Variants in AUTS2 observed in about 807,000 individuals in gnomAD.
AUTS2 encodes the protein autism susceptibility gene 2 protein.
Under a neutral mutation model 112.4 loss-of-function variants are expected in AUTS2, and 17 were observed. That is an observed-to-expected ratio of 0.15 (90% CI 0.10 to 0.23). The LOEUF (loss-of-function observed/expected upper bound fraction) is 0.23. Ranked by LOEUF, AUTS2 falls within the 10% of genes least tolerant of loss-of-function variation. The pLI is 1.00. For missense variants in AUTS2, 1,510 were observed against 1,701.6 expected, an observed-to-expected ratio of 0.89 and a Z score of 1.98; for synonymous variants, 751 against 702.7, an observed-to-expected ratio of 1.07 and a Z score of -1.09.
At chr7:70,340,905 A>C (rs968146469) in intron 4 of AUTS2, among the ~76,000 whole-genome samples, 2 of 152,244 alleles carry the variant, frequency 1.3e-5, no homozygotes, top group African/African-American at 2.4e-5. Context: ...AGTTACAGAC[A>C]CATTTCTTTA....
intron 4 of AUTS2, among the ~76,000 whole-genome samples, chr7:70,277,400 A>G (rs966040206): frequency 6.6e-6 from 1 of 152,232 alleles, no homozygotes; most frequent in African/African-American, 2.4e-5. Flanking sequence ...TAATACTGTC[A>G]CAGAGACTTT....
chr7:69,924,073 T>G (rs1795915055), intron 2 of AUTS2, among the ~76,000 whole-genome samples: 1 of 152,230 alleles, frequency 6.6e-6, no homozygotes, highest in South Asian at 2.1e-4. Flanking sequence ...TGAGCTTAGC[T>G]ATACGTTTTT....
intron 5 of AUTS2, among the ~76,000 whole-genome samples, chr7:70,683,838 A>G (rs1808327018): frequency 6.6e-6 from 1 of 152,208 alleles, no homozygotes; most frequent in Admixed American, 6.5e-5. Flanking sequence ...AAAGCCCCAG[A>G]GATGGAGGCT....
chr7:70,238,522 C>T lies in AUTS2; in HGVS notation c.660+103951C>T, dbSNP rs567763512. On this transcript the variant is annotated intron_variant, in intron 4 of 18. Coordinates refer to ENST00000342771, the MANE Select transcript of AUTS2 (RefSeq NM_015570.4). The stretch of plus-strand genomic sequence containing the variant: ...AGTCCTCTCTCTAACTTTAAGAGTT[C>T]TCTAGATCTCACCAGTCTCCCTTTC... 3.3e-4 allele frequency among the ~76,000 whole-genome samples: 50 copies of T among 152,288 alleles called. 1 individual carries two copies. Among genetic ancestry groups the T allele is most frequent in the African/African-American group, 1.2e-3 (49 of 41,558 alleles).
At chr7:70,770,076 A>G (rs1443365111) in intron 10 of AUTS2, among the ~76,000 whole-genome samples, 1 of 152,200 alleles carries the variant, frequency 6.6e-6, no homozygotes, top group African/African-American at 2.4e-5. Flanking sequence ...GTACTGTGGG[A>G]GAGTTATTTC....
intron 2 of AUTS2, among the ~76,000 whole-genome samples, chr7:69,948,284 A>G (rs372601047): frequency 9.1e-4 from 138 of 152,098 alleles, no homozygotes; most frequent in Non-Finnish European, 1.7e-3. Flanking sequence ...AACCCACTCA[A>G]TCCACTTCAC....
intron 6 of AUTS2, among the ~76,000 whole-genome samples, chr7:70,737,695 ACTTT>A (rs1320273515): frequency 6.6e-6 from 1 of 152,126 alleles, no homozygotes; most frequent in Non-Finnish European, 1.5e-5. Flanking sequence ...CTCTGTCATT[ACTTT>A]CTTTATTATC....
chr7:70,159,432 G>A (rs1433693189), intron 4 of AUTS2, among the ~76,000 whole-genome samples: 1 of 152,146 alleles, frequency 6.6e-6, no homozygotes, highest in African/African-American at 2.4e-5. Flanking sequence ...AATTTCAAAA[G>A]AAACTTCAGG....
intron 1 of AUTS2, among the ~76,000 whole-genome samples, chr7:69,681,811 G>T (rs1356045721): frequency 2.6e-5 from 4 of 152,126 alleles, no homozygotes; most frequent in South Asian, 2.1e-4. Flanking sequence ...AGATAGTTCG[G>T]TTTTTTTGTT....
intron 5 of AUTS2, among the ~76,000 whole-genome samples, chr7:70,558,398 C>T (rs1801339834): frequency 1.3e-5 from 2 of 152,278 alleles, no homozygotes; most frequent in South Asian, 4.1e-4. Context: ...CTGTGGGGGA[C>T]CCTTCCATGA....
chr7:70,001,100 A>G (rs1490249007), intron 2 of AUTS2, among the ~76,000 whole-genome samples: 1 of 152,162 alleles, frequency 6.6e-6, no homozygotes, highest in African/African-American at 2.4e-5. Context: ...AGAGAAAAAA[A>G]AGCAGAGGCT....
At chr7:70,134,515 T>C in intron 3 of AUTS2, 21 bp from the exon 4 acceptor site, 1 of 1,613,242 alleles carries the variant, frequency 6.2e-7, no homozygotes, top group Non-Finnish European at 8.5e-7. Context: ...TTTCCACTTT[T>C]GTCTTTATGC....
chr7:69,903,132 A>G (rs186282064), intron 2 of AUTS2, among the ~76,000 whole-genome samples: 40 of 151,940 alleles, frequency 2.6e-4, no homozygotes, highest in Admixed American at 6.5e-4. Context: ...TTTTTTCTCA[A>G]TGGAGATTTG....
intron 4 of AUTS2, among the ~76,000 whole-genome samples, chr7:70,156,487 C>G (rs1318678430): frequency 6.6e-6 from 1 of 152,016 alleles, no homozygotes; most frequent in Non-Finnish European, 1.5e-5. Context: ...CAGAGGCAAC[C>G]CAAGAGATTT....
At chr7:70,613,002 C>T (rs1804174554) in intron 5 of AUTS2, among the ~76,000 whole-genome samples, 1 of 152,044 alleles carries the variant, frequency 6.6e-6, no homozygotes, top group Admixed American at 6.6e-5. Context: ...GGTACATCAT[C>T]ATGCAGGCGA....
chr7:70,146,069 A>T (rs964905340), intron 4 of AUTS2, among the ~76,000 whole-genome samples: 2 of 152,076 alleles, frequency 1.3e-5, no homozygotes, highest in African/African-American at 4.8e-5. Context: ...ATTTATGTAA[A>T]TCTTATAAAA....
chr7:70,786,639 T>C (rs1791505058), intron 17 of AUTS2, among the ~76,000 whole-genome samples: 1 of 152,200 alleles, frequency 6.6e-6, no homozygotes, highest in Non-Finnish European at 1.5e-5. Context: ...GCAAATTATT[T>C]TCTTTCATGC....
At chr7:70,043,880 A>G (rs988837651) in intron 2 of AUTS2, among the ~76,000 whole-genome samples, 4 of 151,546 alleles carry the variant, frequency 2.6e-5, no homozygotes, top group African/African-American at 9.7e-5. Context: ...AAGTGCTGGG[A>G]TTACAGGCGT....
intron 5 of AUTS2, among the ~76,000 whole-genome samples, chr7:70,638,094 A>T: frequency 6.6e-6 from 1 of 152,156 alleles, no homozygotes. Context: ...GCTTCCCTGG[A>T]TGAAGGGTTT....
Sources: gnomAD v4.1 joint callset for allele counts (sites outside exome capture counted in the v4.1 genomes callset) on GRCh38, gnomAD v4.1.1 for gene constraint, MANE v1.5 for transcripts, NCBI Gene and HGNC (gene_info 2026-07-23, HGNC 2026-07-21) for gene names.